B4GALNT1: variants seen among roughly 807,000 people sequenced by gnomAD.
The protein encoded by B4GALNT1 is beta-1,4-N-acetyl-galactosaminyltransferase 1.
A neutral mutation model predicts 55.2 loss-of-function variants in B4GALNT1; 43 were observed. The observed-to-expected ratio is 0.78, with a 90% confidence interval of 0.61 to 1.00. The LOEUF is 1.00. Among genes scored for constraint, B4GALNT1 ranks in the 50% least tolerant of loss-of-function variants. B4GALNT1 has a pLI of 0.00. For missense variants in B4GALNT1, 664 were observed against 729.7 expected (o/e 0.91, Z 1.04); for synonymous variants, 305 against 311.6 (o/e 0.98, Z 0.22).
chr12:57,626,804 C>G lies in B4GALNT1; in HGVS notation c.1542G>C (p.Gln514His). Residue 514 changes from glutamine (Q) to histidine (H), a missense_variant, in exon 11 of 11, where the codon CAG becomes CAC. Coordinates refer to ENST00000341156, the MANE Select transcript of B4GALNT1 (RefSeq NM_001478.5). Reference sequence around the variant, plus strand: ...AGAAGAGCAGCCGGTGTTTGGCCATCTGGCTCTCGTCCAGTGATCCTGGGT... The same window carrying G: ...AGAAGAGCAGCCGGTGTTTGGCCATGTGGCTCTCGTCCAGTGATCCTGGGT... ...YRYPGSLDESQMAKHRLLFFK... is the reference protein window; with the variant it reads ...YRYPGSLDESHMAKHRLLFFK... The G allele has an allele frequency of 6.2e-7, 1 of 1,614,226 alleles. No individual in the cohort carries two copies. The highest frequency in any genetic ancestry group is 8.5e-7 in the Non-Finnish European group (1 of 1,180,036).
chr12:57,628,665 C>T, intron 8 of B4GALNT1, 48 bp downstream of exon 8: 1 of 1,607,358 alleles, frequency 6.2e-7, no homozygotes, highest in Non-Finnish European at 8.5e-7. Context: ...GAGGGCACAC[C>T]CCCTGCGGGA....
At position 57,623,832 on chromosome 12, in the gene B4GALNT1, C is replaced by T. The variant is rs1884613842; in HGVS notation, c.*2912G>A. On this transcript the variant is annotated 3_prime_UTR_variant, in exon 11 of 11. Coordinates refer to ENST00000341156, the MANE Select transcript of B4GALNT1 (RefSeq NM_001478.5). The stretch of plus-strand genomic sequence containing the variant: ...TTTTTGCTCCTGTTCCTCCTTTTCT[C>T]TAGCTGGCAGGCCTCTTCTCCTGCA... 1.2e-6 allele frequency: 2 copies of T among 1,613,182 alleles called. No homozygotes were observed. The highest frequency in any genetic ancestry group is 1.7e-6 in the Non-Finnish European group (2 of 1,179,780).
intron 6 of B4GALNT1, chr12:57,629,617 G>T: frequency 1.7e-6 from 1 of 577,676 alleles, no homozygotes; most frequent in Non-Finnish European, 2.8e-6. Flanking sequence ...ATGTGATAGT[G>T]AAGAGGAGGC....
At chr12:57,631,417 C>T (rs1885205819) in intron 2 of B4GALNT1, 53 bp from the exon 3 acceptor site, 2 of 1,598,890 alleles carry the variant, frequency 1.3e-6, no homozygotes, top group Non-Finnish European at 1.7e-6. Context: ...CAGCTCCATT[C>T]ATCCCATAAA....
At position 57,626,570 on chromosome 12, in the gene B4GALNT1, G is replaced by C. The variant is rs1331274798; in HGVS notation, c.*174C>G. On this transcript the variant is annotated 3_prime_UTR_variant, in exon 11 of 11. Coordinates refer to ENST00000341156, the MANE Select transcript of B4GALNT1 (RefSeq NM_001478.5). ...GGCCTCTGGGCACTGGAAAAAGGAGGGGTGTCACCAGGACAACCCCTACTG... is the reference window on the plus strand; with the variant it reads ...GGCCTCTGGGCACTGGAAAAAGGAGCGGTGTCACCAGGACAACCCCTACTG... 4.2e-6 allele frequency: 3 copies of C among 706,926 alleles called. No individual in the cohort carries two copies. The highest frequency in any genetic ancestry group is 3.6e-5 in the African/African-American group (2 of 56,114). The allele number at this position is 706,926 out of a possible 1,614,324, so 43.8% of individuals were successfully genotyped here.
rs1484954191 is a variant in B4GALNT1, at chr12:57,631,952, C to G, written c.181G>C (p.Ala61Pro). ...LPDLAPEPRY[A>P]HIPVRIKEQV... ...TCCTTGATCCTGACCGGGATGTGTGCGTAGCGGGGCTCAGGAGCAAGATCT... is the reference window on the plus strand; with the variant it reads ...TCCTTGATCCTGACCGGGATGTGTGGGTAGCGGGGCTCAGGAGCAAGATCT... The change falls in exon 2 of 11, where the codon GCA (alanine) becomes CCA (proline). Residue 61 changes from alanine (A) to proline (P), a missense_variant. Ala to Pro is a conservative substitution (Grantham distance 27). Transcript: ENST00000341156. The G allele has an allele frequency of 1.4e-6, 2 of 1,452,806 alleles. No individual in the cohort carries two copies. Among genetic ancestry groups the G allele is most frequent in the African/African-American group, 2.9e-5 (2 of 68,652 alleles). 90.0% of individuals were successfully genotyped at this position (1,452,806 alleles called of 1,614,324 possible). A position where few individuals can be genotyped will look rare whatever the true frequency, so the allele number is the denominator to read the frequency against.
At chr12:57,629,659 G>A in intron 6 of B4GALNT1, 2 of 886,398 alleles carry the variant, frequency 2.3e-6, no homozygotes, top group Middle Eastern at 3.5e-4. Flanking sequence ...ACAAGAAGAA[G>A]CCAGTCTGCA....
chr12:57,626,859 G>C lies in B4GALNT1; in HGVS notation c.1487C>G (p.Ala496Gly), dbSNP rs1168125474. 2 of 1,614,058 alleles carry C rather than the reference G, an allele frequency of 1.2e-6. No individual in the cohort carries two copies. The highest frequency in any genetic ancestry group is 2.7e-5 in the African/African-American group (2 of 74,910). ...GTACCGGGCGTAAGTCTCTGCTCCG[G>C]CATCCCTTGATGTCCAAGGCAGCTT... ...KLKLPWTSRD[A>G]GAETYARYRY... Residue 496 changes from alanine (A) to glycine (G), a missense_variant, in exon 11 of 11, where the codon GCC becomes GGC. Physicochemically the swap from Ala to Gly is moderately conservative, Grantham distance 60. Transcript: ENST00000341156.
intron 8 of B4GALNT1, 111 bp from the exon 9 acceptor site, chr12:57,628,373 T>C (rs530077691): frequency 9.3e-6 from 14 of 1,503,648 alleles, no homozygotes; most frequent in Admixed American, 7.8e-5. Context: ...CTCCAGACTT[T>C]TGAGTGCTTT....
At position 57,623,721 on chromosome 12, in the gene B4GALNT1, T is replaced by G; in HGVS notation, c.*3023A>C. On this transcript the variant is annotated 3_prime_UTR_variant, in exon 11 of 11. Coordinates refer to ENST00000341156, the MANE Select transcript of B4GALNT1 (RefSeq NM_001478.5). ...AAGAAGGGGGTTGTGTGGAAGGAGA[T>G]TTGGGAGAAGGGAGACTTCCGAGGA... The G allele has an allele frequency of 1.2e-6, 1 of 843,344 alleles. No homozygotes were observed. The highest frequency in any genetic ancestry group is 1.9e-6 in the Non-Finnish European group (1 of 536,322). 52.2% of individuals were successfully genotyped at this position (843,344 alleles called of 1,614,324 possible).
Position 57,628,800 on chromosome 12 carries a change from C to T in B4GALNT1, c.915G>A (p.Thr305=), listed in dbSNP as rs755181973. The T allele has an allele frequency of 8.7e-6, 14 of 1,614,104 alleles. No homozygotes were observed. The highest frequency in any genetic ancestry group is 1.7e-5 in the Admixed American group (1 of 60,008). ...LITSIRRFYP[T]VTVVIADDSD... is the part of the protein sequence containing the mutation. ...TGTCGTCAGCGATGACCACGGTAAC[C>T]GTTGGGTAGAAGCGGCGGATACTGG... The change falls in exon 8 of 11, where the codon ACG becomes ACA. Residue 305 remains threonine, a synonymous_variant. Transcript: ENST00000341156.
chr12:57,625,900 A>T lies in B4GALNT1; in HGVS notation c.*844T>A. 1 of 819,692 alleles carries T rather than the reference A, an allele frequency of 1.2e-6. No individual in the cohort carries two copies. Among genetic ancestry groups the T allele is most frequent in the Non-Finnish European group, 1.7e-6 (1 of 578,888 alleles). 50.8% of individuals were successfully genotyped at this position (819,692 alleles called of 1,614,324 possible). A position where few individuals can be genotyped will look rare whatever the true frequency, so the allele number is the denominator to read the frequency against. Reference sequence around the variant, plus strand: ...ATGGGTGAGGAACTGAAGAACTCAGATCCCTAAGTAGGTGGGGTACCCCTG... The same window carrying T: ...ATGGGTGAGGAACTGAAGAACTCAGTTCCCTAAGTAGGTGGGGTACCCCTG... On this transcript the variant is annotated 3_prime_UTR_variant, in exon 11 of 11. Coordinates refer to ENST00000341156, the MANE Select transcript of B4GALNT1 (RefSeq NM_001478.5).
chr12:57,629,177 G>A, intron 6 of B4GALNT1, 31 bp from the exon 7 acceptor site: 1 of 1,518,646 alleles, frequency 6.6e-7, no homozygotes, highest in Non-Finnish European at 8.9e-7. Context: ...ATTTGACCCT[G>A]AAGGGTGGGA....
rs111924104 is a variant in B4GALNT1 at position 57,624,885 on chromosome 12, T to G, written c.*1859A>C. On this transcript the variant is annotated 3_prime_UTR_variant, in exon 11 of 11. Transcript: ENST00000341156. Reference sequence around the variant, plus strand: ...TCTTAGCTCCTCCAGGTCCCGGGGCTCTGCATCCTGAGCTATCCAACACCA... The same window carrying G: ...TCTTAGCTCCTCCAGGTCCCGGGGCGCTGCATCCTGAGCTATCCAACACCA... 6.1e-3 allele frequency: 9,790 copies of G among 1,614,102 alleles called. 36 individuals are homozygous for G. The highest frequency in any genetic ancestry group is 0.011 in the Middle Eastern group (67 of 6,062).
chr12:57,627,415 A>T (rs956923425), intron 10 of B4GALNT1, among the ~76,000 whole-genome samples: 61 of 151,144 alleles, frequency 4.0e-4, no homozygotes, highest in Non-Finnish European at 6.9e-4. Context: ...TATTTATAAA[A>T]AAAAAAAAAG....
Position 57,626,747 on chromosome 12 carries a change from C to A in B4GALNT1, c.1599G>T (p.Gln533His). The A allele has an allele frequency of 6.2e-7, 1 of 1,614,188 alleles. No homozygotes were observed. Among genetic ancestry groups the A allele is most frequent in the Non-Finnish European group, 8.5e-7 (1 of 1,180,014 alleles). The change falls in exon 11 of 11, where the codon CAG (glutamine) becomes CAT (histidine). Residue 533 changes from glutamine (Q) to histidine (H), a missense_variant. Coordinates refer to ENST00000341156, the MANE Select transcript of B4GALNT1 (RefSeq NM_001478.5). ...FKHRLQCMTS[Q>H] The stretch of plus-strand genomic sequence containing the variant: ...GTCAGAAATCCCCAGCGGGCCATCA[C>A]TGGGAGGTCATGCACTGCAGCCGGT...
chr12:57,630,440 T>C, intron 5 of B4GALNT1, 38 bp downstream of exon 5: 1 of 1,600,954 alleles, frequency 6.2e-7, no homozygotes, highest in South Asian at 1.1e-5. Context: ...GCATTCTTGA[T>C]GCCTACTTGG....
In B4GALNT1 at chr12:57,624,808, G is replaced by T. The variant is rs1884693362; in HGVS notation, c.*1936C>A. ...GAAGCCCCAGGGTGGGTGGGCTGCA[G>T]CCAAAGAAGGAAGGGAAGATTAGCC... is the stretch of plus-strand genomic sequence containing the variant. On this transcript the variant is annotated 3_prime_UTR_variant, in exon 11 of 11. Transcript: ENST00000341156. The T allele has an allele frequency of 6.5e-7, 1 of 1,547,244 alleles. No individual in the cohort carries two copies. Among genetic ancestry groups the T allele is most frequent in the Non-Finnish European group, 8.9e-7 (1 of 1,119,264 alleles).
Position 57,626,556 on chromosome 12 carries a change from A to G in B4GALNT1, c.*188T>C. 2 of 647,706 alleles carry G rather than the reference A, an allele frequency of 3.1e-6. No individual in the cohort carries two copies. The highest frequency in any genetic ancestry group is 5.3e-6 in the Non-Finnish European group (2 of 377,132). The allele number at this position is 647,706 out of a possible 1,614,324, so 40.1% of individuals were successfully genotyped here. A position where few individuals can be genotyped will look rare whatever the true frequency, so the allele number is the denominator to read the frequency against. ...TTATGGCTCCACCAGGCCTCTGGGC[A>G]CTGGAAAAAGGAGGGGTGTCACCAG... is the stretch of plus-strand genomic sequence containing the variant. On this transcript the variant is annotated 3_prime_UTR_variant, in exon 11 of 11. Coordinates refer to ENST00000341156, the MANE Select transcript of B4GALNT1 (RefSeq NM_001478.5).
Sources: gnomAD v4.1 joint callset for allele counts (sites outside exome capture counted in the v4.1 genomes callset) on GRCh38, gnomAD v4.1.1 for gene constraint, MANE v1.5 for transcripts, NCBI Gene and HGNC (gene_info 2026-07-23, HGNC 2026-07-21) for gene names.